The following EXOC4 variants were observed in gnomAD, a reference collection of about 807,000 sequenced individuals.
EXOC4 encodes exocyst complex component 4.
In EXOC4, 71 loss-of-function variants were observed where a neutral mutation model predicts 107.2. That is an observed-to-expected ratio of 0.66 (90% CI 0.55 to 0.81). The LOEUF (loss-of-function observed/expected upper bound fraction) is 0.81. Ranked by LOEUF, EXOC4 falls within the 30% of genes least tolerant of loss-of-function variation. The pLI is 0.00. For synonymous variants in EXOC4, 456 were observed against 441.2 expected, an observed-to-expected ratio of 1.03 and a Z score of -0.42; for missense variants, 1,108 against 1,189.6, an observed-to-expected ratio of 0.93 and a Z score of 1.01.
At chr7:133,781,714 G>A (rs1796471968) in intron 10 of EXOC4, among the ~76,000 whole-genome samples, 1 of 152,112 alleles carries the variant, frequency 6.6e-6, no homozygotes, top group African/African-American at 2.4e-5. Context: ...TCACCTCTTC[G>A]AGTCTCCCAT....
At chr7:133,359,007 G>A (rs1325419199) in intron 6 of EXOC4, among the ~76,000 whole-genome samples, 1 of 152,170 alleles carries the variant, frequency 6.6e-6, no homozygotes, top group Non-Finnish European at 1.5e-5. Flanking sequence ...AAGTGAATGA[G>A]CTGTTTGCCT....
At chr7:133,895,457 GT>G (rs1387558823) in intron 11 of EXOC4, 141 bp from the exon 12 acceptor site, 1 of 851,864 alleles carries the variant, frequency 1.2e-6, no homozygotes, top group African/African-American at 1.7e-5. Flanking sequence ...TCCTCCCCCT[GT>G]TTTGAGTTCA....
chr7:133,484,075 A>G (rs1179184309), intron 9 of EXOC4: 3 of 1,613,850 alleles, frequency 1.9e-6, no homozygotes, highest in East Asian at 4.5e-5. Context: ...AAGACAATCA[A>G]AGTAACATTA....
rs79766422 is a variant in EXOC4 at position 133,403,778 on chromosome 7, A to T, written c.1182+28776A>T. ...GATCCCATCTCTAAAAAATTTTTTT[A>T]AAATTAGCCAGGTATGATGGTGCAC... On this transcript the variant is annotated intron_variant, in intron 7 of 17. Coordinates refer to ENST00000253861, the MANE Select transcript of EXOC4 (RefSeq NM_021807.4). Among the ~76,000 whole-genome samples, 977 of 152,198 alleles carry T rather than the reference A, an allele frequency of 6.4e-3. 13 individuals are homozygous for T. Among genetic ancestry groups the T allele is most frequent in the East Asian group, 0.045 (234 of 5,162 alleles).
intron 17 of EXOC4, among the ~76,000 whole-genome samples, chr7:134,045,204 A>G (rs1795620861): frequency 6.6e-6 from 1 of 152,232 alleles, no homozygotes; most frequent in Non-Finnish European, 1.5e-5. Flanking sequence ...TTATATTTCT[A>G]TCATACGTAG....
chr7:133,585,333 GT>G, intron 9 of EXOC4, among the ~76,000 whole-genome samples: 1 of 152,294 alleles, frequency 6.6e-6, no homozygotes. Context: ...AAAATGAAGT[GT>G]ATAGCACATG....
At chr7:133,421,686 G>A (rs755450180) in intron 7 of EXOC4, among the ~76,000 whole-genome samples, 2 of 152,064 alleles carry the variant, frequency 1.3e-5, no homozygotes, top group Non-Finnish European at 2.9e-5. Flanking sequence ...TCCCTCTTTT[G>A]TTCAAGCTAT....
chr7:133,376,521 C>T (rs1475628997), intron 7 of EXOC4, among the ~76,000 whole-genome samples: 1 of 152,124 alleles, frequency 6.6e-6, no homozygotes, highest in Non-Finnish European at 1.5e-5. Context: ...GCACAGTCAG[C>T]TGAGAAAAAA....
rs546852765 is a variant in EXOC4 at position 133,401,000 on chromosome 7, C to T, written c.1182+25998C>T. ...TTCTGGTTGAACTCAGGTTCCTAAACTCTGAGTTGTACAGGAAGTAGTAAA... is the reference window on the plus strand; with the variant it reads ...TTCTGGTTGAACTCAGGTTCCTAAATTCTGAGTTGTACAGGAAGTAGTAAA... On this transcript the variant is annotated intron_variant, in intron 7 of 17. Coordinates refer to ENST00000253861, the MANE Select transcript of EXOC4 (RefSeq NM_021807.4). Among the ~76,000 whole-genome samples, 267 of 152,300 alleles carry T rather than the reference C, an allele frequency of 1.8e-3. 1 individual carries two copies. The highest frequency in any genetic ancestry group is 6.0e-3 in the African/African-American group (250 of 41,566).
At chr7:133,373,178 TTAAG>T (rs1181604410) in intron 6 of EXOC4, among the ~76,000 whole-genome samples, 2 of 152,188 alleles carry the variant, frequency 1.3e-5, no homozygotes, top group Non-Finnish European at 2.9e-5. Context: ...CTGCACCACA[TTAAG>T]TGTTTCAGTT....
chr7:133,722,449 G>A (rs2151107819), intron 10 of EXOC4, among the ~76,000 whole-genome samples: 1 of 152,238 alleles, frequency 6.6e-6, no homozygotes, highest in South Asian at 2.1e-4. Context: ...AAATGCTAAG[G>A]AAGCAATATT....
chr7:133,485,074 C>A (rs568814943), intron 9 of EXOC4, among the ~76,000 whole-genome samples: 3 of 48,768 alleles, frequency 6.2e-5, no homozygotes. Flanking sequence ...AGCGAGACTC[C>A]GTCTCAAAAA....
chr7:134,078,536 T>C, the EXOC4 span, among the ~76,000 whole-genome samples: 11 of 152,252 alleles, frequency 7.2e-5, no homozygotes, highest in Admixed American at 4.6e-4. Flanking sequence ...GTTTACCCTC[T>C]AACAACGTAG....
intron 17 of EXOC4, among the ~76,000 whole-genome samples, chr7:134,049,348 G>A (rs1447342995): frequency 6.6e-6 from 1 of 152,110 alleles, no homozygotes; most frequent in Non-Finnish European, 1.5e-5. Flanking sequence ...ATGGCCCACA[G>A]GTCTGTTAGG....
In EXOC4 at chr7:133,331,135, G is replaced by C. The variant is rs532976627; in HGVS notation, c.763+13745G>C. ...AAAATGCAAAGTCAAGGCACAGGTT[G>C]GCAAAAGCAAGAATCCATTAAAAGA... On this transcript the variant is annotated intron_variant, in intron 5 of 17. Transcript: ENST00000253861. 5.3e-5 allele frequency among the ~76,000 whole-genome samples: 8 copies of C among 152,214 alleles called. 1 individual carries two copies. In the South Asian group the frequency reaches 1.5e-3, roughly 28 times the overall value.
intron 3 of EXOC4, among the ~76,000 whole-genome samples, chr7:133,304,231 T>G (rs754916250): frequency 4.6e-5 from 7 of 152,248 alleles, no homozygotes; most frequent in Non-Finnish European, 1.0e-4. Flanking sequence ...ATGCATCCTC[T>G]TTCTCTGCTA....
intron 10 of EXOC4, among the ~76,000 whole-genome samples, chr7:133,782,178 A>G (rs1796482051): frequency 6.6e-6 from 1 of 152,138 alleles, no homozygotes; most frequent in South Asian, 2.1e-4. Flanking sequence ...AAATCCAGAC[A>G]TTGGTAGTTA....
the EXOC4 span, among the ~76,000 whole-genome samples, chr7:134,092,217 C>T: frequency 2.0e-5 from 3 of 151,944 alleles, no homozygotes; most frequent in Non-Finnish European, 4.4e-5. Flanking sequence ...TCTGAATATA[C>T]TAAAATCCAT....
At chr7:133,624,927 G>T (rs1332372169) in intron 9 of EXOC4, among the ~76,000 whole-genome samples, 1 of 151,728 alleles carries the variant, frequency 6.6e-6, no homozygotes, top group Non-Finnish European at 1.5e-5. Flanking sequence ...AAAGAGTAGG[G>T]GGAATGATGG....
Sources: allele counts gnomAD v4.1 joint callset (sites outside exome capture counted in the v4.1 genomes callset), GRCh38; gene constraint gnomAD v4.1.1; transcripts MANE v1.5; gene names NCBI Gene and HGNC (gene_info 2026-07-23, HGNC 2026-07-21).